Variants in MYOC observed in about 807,000 individuals in gnomAD.
The protein encoded by MYOC is myocilin.
MYOC carries 29 observed loss-of-function variants against 28.2 expected under a neutral mutation model. The observed-to-expected ratio is 1.03, with a 90% CI of 0.77 to 1.40. MYOC has a LOEUF of 1.40. Ranked by LOEUF, MYOC falls within the 40% of genes most tolerant of loss-of-function variation. The pLI is 0.00. For synonymous variants in MYOC, 240 were observed against 245.6 expected, an observed-to-expected ratio of 0.98 and a Z score of 0.21; for missense variants, 569 against 620.6, an observed-to-expected ratio of 0.92 and a Z score of 0.88.
At chr1:171,651,794 A>C (rs1653359917) in intron 1 of MYOC, among the ~76,000 whole-genome samples, 1 of 152,156 alleles carries the variant, frequency 6.6e-6, no homozygotes, top group Admixed American at 6.5e-5. Flanking sequence ...GGGGCACAAG[A>C]ACTCTGAACC....
At chr1:171,649,985 G>A (rs1347490788) in intron 1 of MYOC, among the ~76,000 whole-genome samples, 1 of 152,064 alleles carries the variant, frequency 6.6e-6, no homozygotes, top group African/African-American at 2.4e-5. Flanking sequence ...TTGTACTAAT[G>A]TAATTTCCTG....
intron 1 of MYOC, among the ~76,000 whole-genome samples, chr1:171,644,475 A>C (rs1323445541): frequency 6.6e-6 from 1 of 152,034 alleles, no homozygotes; most frequent in East Asian, 1.9e-4. Flanking sequence ...TTTGCTATAG[A>C]GGGAAGGAAG....
chr1:171,652,349 GT>G lies in MYOC; in HGVS notation c.262del (p.Thr88ProfsTer15). 6.2e-7 allele frequency: 1 copy of G among 1,610,290 alleles called. No individual in the cohort carries two copies. The highest frequency in any genetic ancestry group is 2.2e-5 in the East Asian group (1 of 44,764). On this transcript the variant is annotated frameshift_variant, in exon 1 of 3. Transcript: ENST00000037502. LOFTEE classifies it high-confidence loss of function. ...CTCCAGGGAGCTGAGTCGAGCTTTG[GT>G]GGCCTCCAGGTCTAAGCGTTGGGTG... Reference protein sequence around the residue: ...SSTQRLDLEATKARLSSLESL... With the variant: ...SSTQRLDLEAXKARLSSLESL...
chr1:171,637,844 C>G (rs1652966786), intron 2 of MYOC, among the ~76,000 whole-genome samples: 2 of 152,024 alleles, frequency 1.3e-5, no homozygotes, highest in South Asian at 4.1e-4. Flanking sequence ...AACTCCTGAC[C>G]TCAAGTGATC....
intron 1 of MYOC, among the ~76,000 whole-genome samples, chr1:171,644,895 G>T (rs187063652): frequency 6.6e-6 from 1 of 152,228 alleles, no homozygotes; most frequent in East Asian, 1.9e-4. Flanking sequence ...TAAGTAACAT[G>T]CCCAAGGTCA....
At chr1:171,642,573 C>A (rs1653101060) in intron 1 of MYOC, among the ~76,000 whole-genome samples, 1 of 150,516 alleles carries the variant, frequency 6.6e-6, no homozygotes. Flanking sequence ...ATGATCATGC[C>A]ACTGCACTCC....
chr1:171,638,860 G>C, intron 1 of MYOC, 138 bp from the exon 2 acceptor site: 1 of 853,510 alleles, frequency 1.2e-6, no homozygotes, highest in Non-Finnish European at 1.9e-6. Context: ...TTGGGAGGCC[G>C]AGGCAGGCGG....
rs2102951476 is a variant in MYOC at position 171,652,381 on chromosome 1, G to A, written c.231C>T (p.Asp77=). 1 of 1,613,088 alleles carries A rather than the reference G, an allele frequency of 6.2e-7. No individual in the cohort carries two copies. Among genetic ancestry groups the A allele is most frequent in the East Asian group, 2.2e-5 (1 of 44,844 alleles). The stretch of plus-strand genomic sequence containing the variant: ...CCAGGTCTAAGCGTTGGGTGCTGCT[G>A]TCTCTCTGTAAGTTATGGATGACTG... ...AMSVIHNLQR[D]SSTQRLDLEA... is the part of the protein sequence containing the mutation. Residue 77 remains aspartate (D), a synonymous_variant, in exon 1 of 3, where the codon GAC becomes GAT. Coordinates refer to ENST00000037502, the MANE Select transcript of MYOC (RefSeq NM_000261.2).
chr1:171,651,348 C>CACACA (rs1222514536), intron 1 of MYOC, among the ~76,000 whole-genome samples: 1 of 146,194 alleles, frequency 6.8e-6, no homozygotes, highest in East Asian at 2.1e-4. Flanking sequence ...CCCGCACCCC[C>CACACA]CCCACACACA....
chr1:171,642,822 T>C (rs1653108630), intron 1 of MYOC, among the ~76,000 whole-genome samples: 1 of 149,628 alleles, frequency 6.7e-6, no homozygotes, highest in Non-Finnish European at 1.5e-5. Flanking sequence ...AGTGCAAGGC[T>C]GTGCTAGGTG....
rs137853277 is a variant in MYOC, at chr1:171,636,382, G to C, written c.1058C>G (p.Thr353Arg). 6.2e-7 allele frequency: 1 copy of C among 1,614,024 alleles called. No individual in the cohort carries two copies. The highest frequency in any genetic ancestry group is 8.5e-7 in the Non-Finnish European group (1 of 1,180,016). The change falls in exon 3 of 3, where the codon ACA becomes AGA. Residue 353 changes from threonine to arginine, a missense_variant. By Grantham distance (71) the Thr-to-Arg change is moderately conservative. Coordinates refer to ENST00000037502, the MANE Select transcript of MYOC (RefSeq NM_000261.2). The stretch of plus-strand genomic sequence containing the variant: ...AGGGATTTCCTTCTCAGCCTTCACT[G>C]TCTCGGTATTCAGCTCATATCTTAT... ...TVIRYELNTE[T>R]VKAEKEIPGA...
chr1:171,636,754 T>A, intron 2 of MYOC, 45 bp from the exon 3 acceptor site: 1 of 1,584,468 alleles, frequency 6.3e-7, no homozygotes, highest in Non-Finnish European at 8.6e-7. Flanking sequence ...TAATCCATAA[T>A]CTTTCCAAAC....
intron 1 of MYOC, among the ~76,000 whole-genome samples, chr1:171,645,923 A>T (rs1428651127): frequency 6.6e-6 from 1 of 152,214 alleles, no homozygotes; most frequent in Admixed American, 6.5e-5. Context: ...ACCACTCCTT[A>T]TGTGCATTAG....
intron 1 of MYOC, among the ~76,000 whole-genome samples, chr1:171,644,104 G>T (rs1037811800): frequency 6.6e-6 from 1 of 151,910 alleles, no homozygotes; most frequent in African/African-American, 2.4e-5. Flanking sequence ...GCCATCCACA[G>T]TTGCCATGGG....
At chr1:171,641,125 G>C (rs1025072645) in intron 1 of MYOC, among the ~76,000 whole-genome samples, 5 of 152,154 alleles carry the variant, frequency 3.3e-5, no homozygotes, top group African/African-American at 1.2e-4. Context: ...GATAATCGGG[G>C]AGGCTGTGCA....
chr1:171,647,765 CTCACA>C (rs1456146728), intron 1 of MYOC, among the ~76,000 whole-genome samples: 6 of 152,194 alleles, frequency 3.9e-5, no homozygotes, highest in Admixed American at 3.9e-4. Context: ...TCACCCTCCC[CTCACA>C]TCCTGCCCAC....
Position 171,635,903 on chromosome 1 carries a change from G to C in MYOC, c.*22C>G. The C allele has an allele frequency of 6.2e-7, 1 of 1,613,470 alleles. No homozygotes were observed. Among genetic ancestry groups the C allele is most frequent in the Non-Finnish European group, 8.5e-7 (1 of 1,179,742 alleles). On this transcript the variant is annotated 3_prime_UTR_variant, in exon 3 of 3. Transcript: ENST00000037502. ...GCCCTGAGCATCTCCTTCTGCCATT[G>C]CCTGTACAGCTTGGAGGCTTTTCAC...
At chr1:171,649,769 T>C (rs1161163124) in intron 1 of MYOC, among the ~76,000 whole-genome samples, 1 of 152,064 alleles carries the variant, frequency 6.6e-6, no homozygotes, top group Non-Finnish European at 1.5e-5. Flanking sequence ...CACTCTAGCC[T>C]GGGCAACAAG....
At chr1:171,641,536 T>C (rs532122145) in intron 1 of MYOC, among the ~76,000 whole-genome samples, 1 of 152,200 alleles carries the variant, frequency 6.6e-6, no homozygotes, top group Non-Finnish European at 1.5e-5. Context: ...GGTCACAGGG[T>C]GTGGGCTCTG....
Sources: allele counts gnomAD v4.1 joint callset (sites outside exome capture counted in the v4.1 genomes callset), GRCh38; gene constraint gnomAD v4.1.1; transcripts MANE v1.5; gene names NCBI Gene and HGNC (gene_info 2026-07-23, HGNC 2026-07-21).